The following PRKN variants were observed in gnomAD, a reference collection of about 807,000 sequenced individuals.
The protein encoded by PRKN is E3 ubiquitin-protein ligase parkin.
Under a neutral mutation model 59.5 loss-of-function variants are expected in PRKN, and 56 were observed. The ratio of observed to expected loss-of-function variants is 0.94; its 90% CI spans 0.76 to 1.18. PRKN has a LOEUF of 1.18. Ranked by LOEUF, PRKN falls within the 50% of genes most tolerant of loss-of-function variation. PRKN has a pLI of 0.00. For missense variants in PRKN, 657 were observed against 596.4 expected, an observed-to-expected ratio of 1.10 and a Z score of -1.06; for synonymous variants, 250 against 222.1, an observed-to-expected ratio of 1.13 and a Z score of -1.12.
intron 4 of PRKN, among the ~76,000 whole-genome samples, chr6:162,127,637 A>C (rs749633053): frequency 7.9e-5 from 12 of 152,212 alleles, no homozygotes; most frequent in Non-Finnish European, 1.3e-4. Flanking sequence ...TGCATCGTTG[A>C]GTCATAGGGA....
At chr6:162,538,838 GAC>G (rs1438699436) in intron 1 of PRKN, among the ~76,000 whole-genome samples, 1 of 152,194 alleles carries the variant, frequency 6.6e-6, no homozygotes, top group Non-Finnish European at 1.5e-5. Flanking sequence ...ACATTAAAAA[GAC>G]ACAGCTGTCT....
chr6:162,437,293 C>CCTGT (rs147737823), intron 2 of PRKN, among the ~76,000 whole-genome samples: 5 of 151,748 alleles, frequency 3.3e-5, no homozygotes, highest in African/African-American at 1.2e-4. Flanking sequence ...AAATAGCAAG[C>CCTGT]TTATTTTCTA....
chr6:161,391,874 A>C lies in PRKN; in HGVS notation c.1084-4997T>G, dbSNP rs534541541. Among the ~76,000 whole-genome samples the C allele has an allele frequency of 6.6e-6, 1 of 152,124 alleles. No homozygotes were observed. The highest frequency in any genetic ancestry group is 1.9e-4 in the East Asian group (1 of 5,156). The stretch of plus-strand genomic sequence containing the variant: ...TTCCTGATGGCCACTCTGTGGATTT[A>C]GGAGGTGCCTACCCAGCCCTGAAAC... On this transcript the variant is annotated intron_variant, in intron 9 of 11. Coordinates refer to ENST00000366898, the MANE Select transcript of PRKN (RefSeq NM_004562.3). The surrounding 1 kb of genome is among the most constrained non-coding windows in gnomAD (Gnocchi z 4.9).
rs932488707 is a variant in PRKN at position 161,561,705 on chromosome 6, G to A, written c.933+7650C>T. 6.6e-6 allele frequency among the ~76,000 whole-genome samples: 1 copy of A among 152,012 alleles called. No individual in the cohort carries two copies. Among genetic ancestry groups the A allele is most frequent in the African/African-American group, 2.4e-5 (1 of 41,382 alleles). ...AAGTACTTCCCTTCTTCAGTTCTTG[G>A]ATCTCTCTCTCAAATTACCGGTAAT... On this transcript the variant is annotated intron_variant, in intron 8 of 11. Coordinates refer to ENST00000366898, the MANE Select transcript of PRKN (RefSeq NM_004562.3). This position sits in a 1 kb window ranked among gnomAD's most constrained non-coding sequence, Gnocchi z 5.0.
intron 9 of PRKN, among the ~76,000 whole-genome samples, chr6:161,424,197 C>T (rs1182083698): frequency 6.6e-6 from 1 of 151,978 alleles, no homozygotes; most frequent in Non-Finnish European, 1.5e-5. Context: ...ATTAGCTAGG[C>T]ATGATGGTGG....
intron 1 of PRKN, among the ~76,000 whole-genome samples, chr6:162,482,744 C>T (rs909234277): frequency 6.6e-6 from 1 of 152,060 alleles, no homozygotes; most frequent in Admixed American, 6.6e-5. Context: ...ACTCCAAAAC[C>T]CAACTCTAAA....
Position 161,361,208 on chromosome 6 carries a change from G to A in PRKN, c.1168-1003C>T, listed in dbSNP as rs1196755207. On this transcript the variant is annotated intron_variant, in intron 10 of 11. Transcript: ENST00000366898. The surrounding 1 kb of genome is among the most constrained non-coding windows in gnomAD (Gnocchi z 5.2). ...ATCCAAACTTTGTCATTTCACTTTC[G>A]AATTCCAAGCCTTTTTGAAATGTTA... Among the ~76,000 whole-genome samples, 1 of 152,168 alleles carries A rather than the reference G, an allele frequency of 6.6e-6. No individual in the cohort carries two copies. The highest frequency in any genetic ancestry group is 1.5e-5 in the Non-Finnish European group (1 of 68,038).
intron 6 of PRKN, among the ~76,000 whole-genome samples, chr6:161,874,760 T>TGTACAATATATAA (rs1562355992): frequency 8.9e-6 from 1 of 112,598 alleles, no homozygotes; most frequent in Non-Finnish European, 1.6e-5. Flanking sequence ...ATAATATATA[T>TGTACAATATATAA]AAAATATATA....
intron 4 of PRKN, among the ~76,000 whole-genome samples, chr6:162,095,124 C>T (rs542363734): frequency 2.0e-5 from 3 of 152,184 alleles, no homozygotes; most frequent in Admixed American, 6.5e-5. Flanking sequence ...GAAGGCTTTT[C>T]GACAAGGTGG....
At chr6:162,367,944 C>G (rs1386738909) in intron 2 of PRKN, among the ~76,000 whole-genome samples, 1 of 152,106 alleles carries the variant, frequency 6.6e-6, no homozygotes, top group Admixed American at 6.6e-5. Context: ...TAGAAACCAC[C>G]AAGGCACTGC....
chr6:161,769,662 A>G (rs1789580670), intron 7 of PRKN, among the ~76,000 whole-genome samples: 1 of 152,128 alleles, frequency 6.6e-6, no homozygotes, highest in African/African-American at 2.4e-5. Flanking sequence ...GGTGTGTGCT[A>G]TTTCTGGGCT....
intron 4 of PRKN, among the ~76,000 whole-genome samples, chr6:162,106,211 G>C (rs1205865696): frequency 6.6e-6 from 1 of 152,144 alleles, no homozygotes; most frequent in Non-Finnish European, 1.5e-5. Flanking sequence ...GAACAGGCTG[G>C]GAGAAGAGAT....
intron 9 of PRKN, among the ~76,000 whole-genome samples, chr6:161,392,872 T>C (rs1786577140): frequency 6.6e-6 from 1 of 152,196 alleles, no homozygotes; most frequent in Non-Finnish European, 1.5e-5. Flanking sequence ...ATTTTTGTCT[T>C]GCAACTAATA....
At chr6:162,663,864 G>T (rs577948279) in intron 1 of PRKN, among the ~76,000 whole-genome samples, 1 of 151,926 alleles carries the variant, frequency 6.6e-6, no homozygotes, top group Non-Finnish European at 1.5e-5. Context: ...TACTGGTGAA[G>T]CCCCACAATA....
At chr6:162,235,850 G>A (rs192450369) in intron 3 of PRKN, among the ~76,000 whole-genome samples, 1 of 148,944 alleles carries the variant, frequency 6.7e-6, no homozygotes, top group Non-Finnish European at 1.5e-5. Flanking sequence ...GGAAAGGAGG[G>A]AGGAAAGAAA....
At chr6:161,879,378 C>G (rs1289921269) in intron 6 of PRKN, among the ~76,000 whole-genome samples, 1 of 125,968 alleles carries the variant, frequency 7.9e-6, no homozygotes, top group Non-Finnish European at 1.6e-5. Flanking sequence ...GAGTCTTGCT[C>G]TGTTGCCCAG....
chr6:161,655,860 A>C (rs1335464011), intron 7 of PRKN, among the ~76,000 whole-genome samples: 1 of 128,268 alleles, frequency 7.8e-6, no homozygotes, highest in Non-Finnish European at 1.6e-5. Flanking sequence ...GCATATCAAC[A>C]CACATGCACA....
chr6:162,047,121 A>C (rs1435360292), intron 5 of PRKN, among the ~76,000 whole-genome samples: 1 of 152,200 alleles, frequency 6.6e-6, no homozygotes, highest in African/African-American at 2.4e-5. Flanking sequence ...AAGTTTTCAC[A>C]ATTCAATTTT....
At chr6:161,894,353 A>G (rs73022571) in intron 6 of PRKN, among the ~76,000 whole-genome samples, 3,280 of 152,282 alleles carry the variant, frequency 0.022, 38 homozygotes, top group Middle Eastern at 0.044. Flanking sequence ...CCCAGTTCAG[A>G]CTATAAATGA....
Sources: gnomAD v4.1 joint callset for allele counts (sites outside exome capture counted in the v4.1 genomes callset) on GRCh38, gnomAD v4.1.1 for gene constraint, Gnocchi (gnomAD v3.1) non-coding constraint, MANE v1.5 for transcripts, NCBI Gene and HGNC (gene_info 2026-07-23, HGNC 2026-07-21) for gene names.